Variants in SNX7 observed in about 807,000 individuals in gnomAD.
SNX7 encodes sorting nexin-7.
Under a neutral mutation model 48.4 loss-of-function variants are expected in SNX7, and 35 were observed. That is an observed-to-expected ratio of 0.72 (90% confidence interval 0.55 to 0.96). The LOEUF is 0.96. Among genes scored for constraint, SNX7 ranks in the 40% least tolerant of loss-of-function variants. SNX7 has a pLI of 0.00. For synonymous variants in SNX7, 190 were observed against 190.2 expected (o/e 1.00, Z 0.01); for missense variants, 553 against 548.9 (o/e 1.01, Z -0.07).
chr1:98,691,963 T>C (rs897729929), intron 4 of SNX7, among the ~76,000 whole-genome samples: 1 of 151,006 alleles, frequency 6.6e-6, no homozygotes, highest in Non-Finnish European at 1.5e-5. Flanking sequence ...TCTCTCTCTC[T>C]CTCTAATGTT....
intron 1 of SNX7, among the ~76,000 whole-genome samples, chr1:98,667,466 C>A (rs1649595784): frequency 6.6e-6 from 1 of 152,080 alleles, no homozygotes; most frequent in Admixed American, 6.5e-5. Flanking sequence ...ACCTCCACCT[C>A]CCAAGGCTCA....
chr1:98,758,685 C>A (rs2101065969), intron 8 of SNX7, among the ~76,000 whole-genome samples: 2 of 152,048 alleles, frequency 1.3e-5, no homozygotes, highest in African/African-American at 2.4e-5. Context: ...AAAATAAATA[C>A]CCACTATTTA....
At chr1:98,708,033 G>T (rs1250863818) in intron 7 of SNX7, among the ~76,000 whole-genome samples, 4 of 152,150 alleles carry the variant, frequency 2.6e-5, no homozygotes, top group Admixed American at 2.0e-4. Flanking sequence ...AGCAAGCCTT[G>T]CTTGTGATCA....
chr1:98,706,385 A>G (rs1652006553), intron 7 of SNX7, among the ~76,000 whole-genome samples: 1 of 152,124 alleles, frequency 6.6e-6, no homozygotes, highest in Non-Finnish European at 1.5e-5. Flanking sequence ...CAATGAAAGT[A>G]TGCTTGTACA....
chr1:98,672,488 T>G (rs1209427132), intron 1 of SNX7, among the ~76,000 whole-genome samples: 1 of 149,904 alleles, frequency 6.7e-6, no homozygotes, highest in Non-Finnish European at 1.5e-5. Context: ...AGAGGGATCA[T>G]TAGGAACAAT....
intron 4 of SNX7, among the ~76,000 whole-genome samples, chr1:98,692,323 A>T (rs1048930978): frequency 1.3e-5 from 2 of 152,132 alleles, no homozygotes; most frequent in African/African-American, 2.4e-5. Flanking sequence ...TACTGTATTT[A>T]TTGATACCAA....
At chr1:98,670,870 T>TTTATTTA (rs1649822563) in intron 1 of SNX7, among the ~76,000 whole-genome samples, 1 of 151,004 alleles carries the variant, frequency 6.6e-6, no homozygotes, top group African/African-American at 2.4e-5. Context: ...AGACAGTGAG[T>TTTATTTA]TTTATTTATT....
In SNX7 at chr1:98,738,397, G is replaced by C. The variant is rs759824773; in HGVS notation, c.1278+8G>C. The C allele has an allele frequency of 4.3e-6, 7 of 1,611,208 alleles. No homozygotes were observed. The highest frequency in any genetic ancestry group is 5.9e-6 in the Non-Finnish European group (7 of 1,178,374). ...ATCCATTATTATGAACAGGTAATTA[G>C]TGTTGTTTGATATTGCTTCATTTTA... On this transcript the variant is annotated splice_region_variant and intron_variant, in intron 8 of 8. Transcript: ENST00000306121.
chr1:98,663,549 G>A (rs745842021), intron 1 of SNX7, among the ~76,000 whole-genome samples: 1 of 152,060 alleles, frequency 6.6e-6, no homozygotes, highest in Non-Finnish European at 1.5e-5. Context: ...ACCTCTGGGC[G>A]TGTTGGGGGT....
intron 8 of SNX7, among the ~76,000 whole-genome samples, chr1:98,747,978 C>CT (rs372674344): frequency 0.72 from 95,263 of 131,842 alleles, 35,373 homozygotes; most frequent in Non-Finnish European, 0.81. Flanking sequence ...CAGGTTTTTA[C>CT]TTTTTTTTTT....
At chr1:98,701,995 TG>T in intron 7 of SNX7, 92 bp downstream of exon 7, 1 of 864,028 alleles carries the variant, frequency 1.2e-6, no homozygotes. Flanking sequence ...CTTACATGAT[TG>T]TTTCTTATAT....
intron 1 of SNX7, among the ~76,000 whole-genome samples, chr1:98,681,297 C>T (rs553836588): frequency 6.8e-4 from 104 of 152,228 alleles, no homozygotes; most frequent in African/African-American, 2.3e-3. Context: ...ACATGGGAAT[C>T]GTGGGAGTTA....
chr1:98,690,707 A>G (rs1334548287), intron 2 of SNX7, among the ~76,000 whole-genome samples: 1 of 152,128 alleles, frequency 6.6e-6, no homozygotes, highest in Non-Finnish European at 1.5e-5. Flanking sequence ...TCTTGAGAAA[A>G]GAAATATATT....
At chr1:98,706,980 A>G (rs1349110392) in intron 7 of SNX7, among the ~76,000 whole-genome samples, 1 of 152,192 alleles carries the variant, frequency 6.6e-6, no homozygotes, top group East Asian at 1.9e-4. Flanking sequence ...AGTTACATGT[A>G]AAAATTCATA....
intron 1 of SNX7, 55 bp downstream of exon 1, chr1:98,661,966 C>T (rs550479253): frequency 2.6e-5 from 32 of 1,242,656 alleles, no homozygotes; most frequent in Non-Finnish European, 3.1e-5. Context: ...CCGGGCGTTG[C>T]CAGCATTGCG....
At position 98,661,792 on chromosome 1, in the gene SNX7, A is replaced by G. The variant is rs2100890155; in HGVS notation, c.61A>G (p.Asn21Asp). 2.4e-6 allele frequency: 3 copies of G among 1,243,986 alleles called. No homozygotes were observed. Among genetic ancestry groups the G allele is most frequent in the Non-Finnish European group, 3.0e-6 (3 of 986,696 alleles). 77.1% of individuals were successfully genotyped at this position (1,243,986 alleles called of 1,614,324 possible). Residue 21 changes from asparagine (N) to aspartate (D), a missense_variant, in exon 1 of 9, where the codon AAC (asparagine) becomes GAC (aspartate). Physicochemically the swap from Asn to Asp is conservative, Grantham distance 23. Transcript: ENST00000306121. ...CTCGGGCCTCCCGGCCGGGGGCGCC[A>G]ACGGGGAGAGCCCGGGGGGCGGCGC... ...PSSGLPAGGA[N>D]GESPGGGAPF... is the part of the protein sequence containing the mutation.
intron 3 of SNX7, 88 bp from the exon 4 acceptor site, chr1:98,691,447 C>G: frequency 9.2e-7 from 1 of 1,092,852 alleles, no homozygotes. Context: ...AGATGTTCAA[C>G]TAGTCTTCCA....
At chr1:98,692,745 AT>A (rs1361189223) in intron 4 of SNX7, among the ~76,000 whole-genome samples, 2 of 152,172 alleles carry the variant, frequency 1.3e-5, no homozygotes, top group Non-Finnish European at 2.9e-5. Context: ...AGTGTAGTTA[AT>A]TTTAAGCAGT....
chr1:98,760,149 G>T lies in SNX7; in HGVS notation c.*18G>T, dbSNP rs1380552012. 2 of 1,568,564 alleles carry T rather than the reference G, an allele frequency of 1.3e-6. No individual in the cohort carries two copies. The highest frequency in any genetic ancestry group is 1.8e-6 in the Non-Finnish European group (2 of 1,139,324). On this transcript the variant is annotated 3_prime_UTR_variant, in exon 9 of 9. Transcript: ENST00000306121. The stretch of plus-strand genomic sequence containing the variant: ...AACCTTAATCCCATTGAGGACTTCT[G>T]TTTGATCTTTGGGAGACAGCATTTA...
Sources: allele counts gnomAD v4.1 joint callset (sites outside exome capture counted in the v4.1 genomes callset), GRCh38; gene constraint gnomAD v4.1.1; transcripts MANE v1.5; gene names NCBI Gene and HGNC (gene_info 2026-07-23, HGNC 2026-07-21).